ALK: variants seen among roughly 807,000 people sequenced by gnomAD.
ALK encodes the protein ALK tyrosine kinase receptor.
In ALK, 74 loss-of-function variants were observed where a neutral mutation model predicts 163.1. That is an observed-to-expected ratio of 0.45 (90% CI 0.38 to 0.55). The LOEUF (loss-of-function observed/expected upper bound fraction) is 0.55, where lower values mean the gene tolerates loss of function less well. ALK is among the 20% of genes least tolerant of loss of function. The probability of loss-of-function intolerance (pLI) is 0.00; values close to 1 mark genes in which losing one functional copy is unlikely to be tolerated. For missense variants in ALK, 2,063 were observed against 2,105.3 expected (o/e 0.98, Z 0.39); for synonymous variants, 960 against 843.2 (o/e 1.14, Z -2.40).
At chr2:29,752,338 ATTTTC>A (rs1281707876) in intron 1 of ALK, among the ~76,000 whole-genome samples, 47 of 132,414 alleles carry the variant, frequency 3.5e-4, no homozygotes, top group African/African-American at 1.2e-3. Flanking sequence ...GACTTCTGCT[ATTTTC>A]TTTTCTTTTT....
At chr2:29,307,009 A>G (rs1666526351) in intron 8 of ALK, among the ~76,000 whole-genome samples, 1 of 152,222 alleles carries the variant, frequency 6.6e-6, no homozygotes, top group African/African-American at 2.4e-5. Context: ...CATTTTATTA[A>G]TTAAAGTCCT....
At chr2:29,258,308 G>A (rs974322103) in intron 11 of ALK, among the ~76,000 whole-genome samples, 2 of 152,278 alleles carry the variant, frequency 1.3e-5, no homozygotes, top group African/African-American at 4.8e-5. Flanking sequence ...GATACTTTGT[G>A]TCTGATTATT....
chr2:29,450,120 A>G lies in ALK; in HGVS notation c.1155-66261T>C, dbSNP rs73923632. 5.3e-3 allele frequency among the ~76,000 whole-genome samples: 801 copies of G among 152,318 alleles called. 5 individuals carry two copies. Among genetic ancestry groups the G allele is most frequent in the African/African-American group, 0.018 (754 of 41,572 alleles). The stretch of plus-strand genomic sequence containing the variant: ...GTAGGGCTCCTGTGACCGCAGGGAA[A>G]GAACATCAGTATCACCAAACCTTCC... On this transcript the variant is annotated intron_variant, in intron 4 of 28. Coordinates refer to ENST00000389048, the MANE Select transcript of ALK (RefSeq NM_004304.5).
At chr2:29,632,869 C>T (rs113499170) in intron 3 of ALK, among the ~76,000 whole-genome samples, 1 of 152,288 alleles carries the variant, frequency 6.6e-6, no homozygotes, top group African/African-American at 2.4e-5. Flanking sequence ...ATAAAACCAT[C>T]AGATCTCATG....
chr2:29,346,430 A>G (rs1667951112), intron 5 of ALK, among the ~76,000 whole-genome samples: 1 of 152,204 alleles, frequency 6.6e-6, no homozygotes, highest in Admixed American at 6.5e-5. Flanking sequence ...GTGGACAGCC[A>G]TGGGGATGGG....
intron 11 of ALK, among the ~76,000 whole-genome samples, chr2:29,265,804 A>C (rs1352377364): frequency 6.6e-6 from 1 of 152,084 alleles, no homozygotes; most frequent in Non-Finnish European, 1.5e-5. Flanking sequence ...CCTGGCCAAC[A>C]TGGTGAAACC....
chr2:29,622,576 A>G (rs1676066443), intron 3 of ALK, among the ~76,000 whole-genome samples: 1 of 152,202 alleles, frequency 6.6e-6, no homozygotes, highest in South Asian at 2.1e-4. Context: ...GTGGGGACAC[A>G]GCAAAACCAT....
chr2:29,773,364 T>C (rs939888385), intron 1 of ALK, among the ~76,000 whole-genome samples: 2 of 152,168 alleles, frequency 1.3e-5, no homozygotes, highest in Admixed American at 6.5e-5. Context: ...AAACAGAGAA[T>C]TGGCCAAAAC....
chr2:29,805,103 C>T (rs987716019), intron 1 of ALK, among the ~76,000 whole-genome samples: 2 of 152,148 alleles, frequency 1.3e-5, no homozygotes, highest in Non-Finnish European at 2.9e-5. Context: ...TAAGTTTGCA[C>T]AGACCTGCCC....
chr2:29,545,608 C>T (rs1294938326), intron 3 of ALK, among the ~76,000 whole-genome samples: 2 of 152,140 alleles, frequency 1.3e-5, no homozygotes, highest in Non-Finnish European at 2.9e-5. Flanking sequence ...CAGAGCTGAG[C>T]CATGTGGGCA....
chr2:29,204,786 A>C (rs2148149851), intron 26 of ALK, among the ~76,000 whole-genome samples: 1 of 152,212 alleles, frequency 6.6e-6, no homozygotes, highest in East Asian at 1.9e-4. Context: ...GATGTGTTTC[A>C]CCATGTTGGC....
At chr2:29,908,213 C>T (rs188299254) in intron 1 of ALK, among the ~76,000 whole-genome samples, 6 of 152,280 alleles carry the variant, frequency 3.9e-5, no homozygotes, top group Admixed American at 3.3e-4. Flanking sequence ...GCCAGGCTAA[C>T]CTCTAGTTCA....
chr2:29,859,630 T>A (rs1312309594), intron 1 of ALK, among the ~76,000 whole-genome samples: 1 of 150,920 alleles, frequency 6.6e-6, no homozygotes, highest in African/African-American at 2.4e-5. Context: ...TGAAAAAAAA[T>A]AAATAGAAAA....
chr2:29,413,413 C>T (rs1307475205), intron 4 of ALK, among the ~76,000 whole-genome samples: 2 of 152,024 alleles, frequency 1.3e-5, no homozygotes, highest in Non-Finnish European at 2.9e-5. Context: ...GTGGCACGAT[C>T]TTGACTCACT....
At chr2:29,905,294 T>A (rs1313645518) in intron 1 of ALK, among the ~76,000 whole-genome samples, 2 of 152,248 alleles carry the variant, frequency 1.3e-5, no homozygotes, top group African/African-American at 4.8e-5. Flanking sequence ...TAGGTCAGCA[T>A]GTTCATGTAA....
intron 11 of ALK, among the ~76,000 whole-genome samples, chr2:29,255,527 C>T (rs535323667): frequency 6.6e-6 from 1 of 152,226 alleles, no homozygotes; most frequent in Non-Finnish European, 1.5e-5. Flanking sequence ...ACCTCATTGT[C>T]CAGGTGGAGA....
In ALK at chr2:29,420,782, G is replaced by A. The variant is rs192975800; in HGVS notation, c.1155-36923C>T. On this transcript the variant is annotated intron_variant, in intron 4 of 28. Coordinates refer to ENST00000389048, the MANE Select transcript of ALK (RefSeq NM_004304.5). ...CTTTGCAGTCCCAGCACCCTTCATG[G>A]AATGTCTTGCTTTGCAAAAAGAAAC... Among the ~76,000 whole-genome samples the A allele has an allele frequency of 3.6e-4, 54 of 151,628 alleles. 2 individuals carry two copies. In the Middle Eastern group the frequency reaches 0.01, roughly 29 times the overall value.
intron 1 of ALK, among the ~76,000 whole-genome samples, chr2:29,724,904 A>C (rs1175134853): frequency 6.6e-6 from 1 of 152,168 alleles, no homozygotes; most frequent in Non-Finnish European, 1.5e-5. Flanking sequence ...TAGCTCAAAT[A>C]TTGAAGCAAA....
intron 3 of ALK, among the ~76,000 whole-genome samples, chr2:29,576,419 T>A: frequency 6.6e-6 from 1 of 152,242 alleles, no homozygotes; most frequent in East Asian, 1.9e-4. Flanking sequence ...AACTGCAGGC[T>A]AACTTGGCAA....
Sources: gnomAD v4.1 joint callset for allele counts (sites outside exome capture counted in the v4.1 genomes callset) on GRCh38, gnomAD v4.1.1 for gene constraint, MANE v1.5 for transcripts, NCBI Gene and HGNC (gene_info 2026-07-23, HGNC 2026-07-21) for gene names.